ARSG: variants seen among roughly 807,000 people sequenced by gnomAD.
The protein encoded by ARSG is ASG.
ARSG carries 37 observed loss-of-function variants against 50.5 expected under a neutral mutation model. The ratio of observed to expected loss-of-function variants is 0.73; its 90% CI spans 0.56 to 0.96. The LOEUF (loss-of-function observed/expected upper bound fraction) is 0.96. Ranked by LOEUF, ARSG falls within the 50% of genes least tolerant of loss-of-function variation. The pLI, the probability that ARSG is intolerant of heterozygous loss-of-function variation, is 0.00. For missense variants in ARSG, 629 were observed against 675.3 expected (o/e 0.93, Z 0.76); for synonymous variants, 225 against 254.6 (o/e 0.88, Z 1.11).
At chr17:68,301,569 A>G (rs1362576704) in intron 1 of ARSG, among the ~76,000 whole-genome samples, 1 of 151,806 alleles carries the variant, frequency 6.6e-6, no homozygotes, top group African/African-American at 2.4e-5. Flanking sequence ...CATGCAAGAG[A>G]CTCCTAACTC....
chr17:68,310,001 T>C (rs2076785713), intron 2 of ARSG, among the ~76,000 whole-genome samples: 1 of 149,994 alleles, frequency 6.7e-6, no homozygotes, highest in African/African-American at 2.5e-5. Flanking sequence ...GAGATGGAGT[T>C]CCGCTCTTGT....
chr17:68,294,645 C>T (rs1568428825), intron 1 of ARSG, among the ~76,000 whole-genome samples: 1 of 152,148 alleles, frequency 6.6e-6, no homozygotes, highest in Non-Finnish European at 1.5e-5. Flanking sequence ...GTCTCTGTTC[C>T]ACCCACCATG....
At chr17:68,382,123 G>T (rs1016282200) in intron 8 of ARSG, among the ~76,000 whole-genome samples, 1 of 152,002 alleles carries the variant, frequency 6.6e-6, no homozygotes, top group Non-Finnish European at 1.5e-5. Flanking sequence ...GCTAATTTTT[G>T]TATTTTTAGT....
the ARSG span, chr17:68,433,638 C>CAA: frequency 5.2e-6 from 7 of 1,343,932 alleles, no homozygotes; most frequent in Non-Finnish European, 7.4e-6. Flanking sequence ...CCTTATAACT[C>CAA]AGAGATCAGC....
At chr17:68,324,667 T>C (rs1273543215) in intron 2 of ARSG, among the ~76,000 whole-genome samples, 7 of 152,232 alleles carry the variant, frequency 4.6e-5, no homozygotes, top group Non-Finnish European at 7.3e-5. Context: ...GAAAGCTATT[T>C]AAACTCTCTC....
At chr17:68,349,501 T>G (rs1306124495) in intron 4 of ARSG, among the ~76,000 whole-genome samples, 1 of 152,190 alleles carries the variant, frequency 6.6e-6, no homozygotes, top group Non-Finnish European at 1.5e-5. Context: ...CCAGATGCAG[T>G]AGCATTTCAG....
At chr17:68,291,953 G>T (rs1374496439) in intron 1 of ARSG, among the ~76,000 whole-genome samples, 2 of 151,972 alleles carry the variant, frequency 1.3e-5, no homozygotes, top group Non-Finnish European at 2.9e-5. Context: ...GGCAGAACAG[G>T]TTCCTTCCAG....
At chr17:68,262,483 A>T (rs577470002) in intron 1 of ARSG, among the ~76,000 whole-genome samples, 1 of 147,036 alleles carries the variant, frequency 6.8e-6, no homozygotes, top group Non-Finnish European at 1.5e-5. Flanking sequence ...ACCCCCCCAG[A>T]AAAAGAGCCA....
intron 1 of ARSG, among the ~76,000 whole-genome samples, chr17:68,284,149 G>A (rs1555753743): frequency 1.4e-5 from 2 of 147,354 alleles, no homozygotes; most frequent in African/African-American, 2.5e-5. Flanking sequence ...GCTCATGCCT[G>A]TAATCCTTTG....
intron 11 of ARSG, among the ~76,000 whole-genome samples, chr17:68,402,636 T>C (rs1242250595): frequency 6.6e-6 from 1 of 152,148 alleles, no homozygotes; most frequent in African/African-American, 2.4e-5. Flanking sequence ...GCCATTCTCC[T>C]GCCTCAGCCT....
intron 2 of ARSG, among the ~76,000 whole-genome samples, chr17:68,328,262 A>C (rs1178388100): frequency 1.3e-5 from 2 of 151,720 alleles, no homozygotes; most frequent in African/African-American, 4.9e-5. Flanking sequence ...GCCTGCCATG[A>C]ATTTTAAAAA....
chr17:68,299,100 C>CTT (rs201821256), intron 1 of ARSG, among the ~76,000 whole-genome samples: 49 of 105,538 alleles, frequency 4.6e-4, no homozygotes, highest in Non-Finnish European at 6.9e-4. Context: ...AAAAATTGAA[C>CTT]TTTTTTTTTT....
chr17:68,379,333 G>A (rs745988603), intron 8 of ARSG, among the ~76,000 whole-genome samples: 2 of 151,012 alleles, frequency 1.3e-5, no homozygotes, highest in East Asian at 1.9e-4. Flanking sequence ...CTTGACCTCC[G>A]GGGCTCAAGC....
intron 2 of ARSG, among the ~76,000 whole-genome samples, chr17:68,339,922 C>T (rs1354875215): frequency 3.9e-5 from 6 of 152,196 alleles, no homozygotes; most frequent in African/African-American, 1.4e-4. Flanking sequence ...CCCAACACAT[C>T]CACTGATCAT....
At chr17:68,311,703 A>C (rs9900760) in intron 2 of ARSG, among the ~76,000 whole-genome samples, 122,800 of 151,728 alleles carry the variant, frequency 0.81, 50,121 homozygotes, top group Middle Eastern at 0.88. Context: ...CCAGCAGAAC[A>C]AGGAGAGAGG....
chr17:68,282,132 A>C (rs999226864), intron 1 of ARSG, among the ~76,000 whole-genome samples: 5 of 152,230 alleles, frequency 3.3e-5, no homozygotes, highest in Non-Finnish European at 7.3e-5. Flanking sequence ...CTGGATTAAG[A>C]AAATGTGGCA....
At chr17:68,450,806 C>CA in the ARSG span, 1 of 1,614,066 alleles carries the variant, frequency 6.2e-7, no homozygotes. Flanking sequence ...TGAAGTGATA[C>CA]ACGTTCATCT....
chr17:68,315,196 G>A (rs1228801794), intron 2 of ARSG, among the ~76,000 whole-genome samples: 1 of 152,130 alleles, frequency 6.6e-6, no homozygotes, highest in African/African-American at 2.4e-5. Context: ...CAGAACTGGG[G>A]AATCAGCAAA....
downstream of ARSG, chr17:68,426,253 G>GGGGGGGT: frequency 7.1e-6 from 6 of 841,014 alleles, no homozygotes; most frequent in South Asian, 2.6e-5. Context: ...GGGGAGCGGG[G>GGGGGGGT]GCTCAAATAA....
Sources: gnomAD v4.1 joint callset for allele counts (sites outside exome capture counted in the v4.1 genomes callset) on GRCh38, gnomAD v4.1.1 for gene constraint, MANE v1.5 for transcripts, NCBI Gene and HGNC (gene_info 2026-07-23, HGNC 2026-07-21) for gene names.